The following CAND2 variants were observed in gnomAD, a reference collection of about 807,000 sequenced individuals.
CAND2 encodes cullin associated and neddylation dissociated 2 (putative).
Under a neutral mutation model 98.9 loss-of-function variants are expected in CAND2, and 62 were observed. The ratio of observed to expected loss-of-function variants is 0.63; its 90% CI spans 0.51 to 0.77. The LOEUF is 0.77. CAND2 is among the 30% of genes least tolerant of loss of function. The pLI is 0.00. For missense variants in CAND2, 1,501 were observed against 1,655.2 expected (o/e 0.91, Z 1.62); for synonymous variants, 770 against 731.9 (o/e 1.05, Z -0.84).
At chr3:12,833,614 C>T in intron 14 of CAND2, 141 bp from the exon 15 acceptor site, 1 of 679,412 alleles carries the variant, frequency 1.5e-6, no homozygotes, top group Non-Finnish European at 2.6e-6. Context: ...GCTGGTGAGA[C>T]AGAAGCCTCA....
chr3:12,829,338 G>A (rs1228498358), intron 13 of CAND2, among the ~76,000 whole-genome samples: 1 of 152,012 alleles, frequency 6.6e-6, no homozygotes, highest in Admixed American at 6.6e-5. Context: ...GTAGAGACAG[G>A]GTTTCGCCAT....
chr3:12,820,058 C>T, intron 10 of CAND2, 28 bp from the exon 11 acceptor site: 1 of 1,596,116 alleles, frequency 6.3e-7, no homozygotes, highest in Non-Finnish European at 8.6e-7. Flanking sequence ...CCCTGCCCCT[C>T]ACTAACTCAC....
chr3:12,804,326 G>T (rs2061789752), intron 2 of CAND2, among the ~76,000 whole-genome samples: 1 of 152,112 alleles, frequency 6.6e-6, no homozygotes, highest in African/African-American at 2.4e-5. Context: ...TGCCGGGCAT[G>T]GTGGTGCGTG....
intron 13 of CAND2, 99 bp from the exon 14 acceptor site, chr3:12,831,366 T>G (rs1163152081): frequency 2.2e-6 from 2 of 902,438 alleles, no homozygotes; most frequent in East Asian, 5.2e-5. Context: ...GAACTTGGGC[T>G]TCAGGTTTCA....
intron 5 of CAND2, among the ~76,000 whole-genome samples, chr3:12,812,437 G>A (rs1361773372): frequency 4.4e-5 from 5 of 113,390 alleles, no homozygotes; most frequent in Non-Finnish European, 6.6e-5. Context: ...TCGCTCTGTC[G>A]CCCAGGCCAG....
At chr3:12,803,721 G>A (rs1009177236) in intron 2 of CAND2, 90 bp downstream of exon 2, 6 of 1,228,882 alleles carry the variant, frequency 4.9e-6, no homozygotes, top group Admixed American at 2.6e-5. Context: ...GTACAGCCTC[G>A]CAGAGGAGAC....
rs1322767951 is a variant in CAND2 at position 12,808,229 on chromosome 3, C to T, written c.387C>T (p.Asn129=). Residue 129 remains asparagine, a synonymous_variant, in exon 4 of 15, where the codon AAC becomes AAT. Coordinates refer to ENST00000456430, the MANE Select transcript of CAND2 (RefSeq NM_001162499.2). ...GTGCAGGCTCCGGGCTGGCCACCAA[C>T]GTGTGCCGGAAGATCACAGGCCAGC... ...PAATGSGLAT[N]VCRKITGQLT... The T allele has an allele frequency of 1.9e-5, 29 of 1,551,132 alleles. No individual in the cohort carries two copies. The highest frequency in any genetic ancestry group is 1.7e-4 in the Middle Eastern group (1 of 6,008).
rs371066830 is a variant in CAND2 at position 12,816,770 on chromosome 3, C to T, written c.1838C>T (p.Thr613Met). 72 of 1,613,444 alleles carry T rather than the reference C, an allele frequency of 4.5e-5. No individual in the cohort carries two copies. The highest frequency in any genetic ancestry group is 1.0e-4 in the Admixed American group (6 of 60,014). The stretch of plus-strand genomic sequence containing the variant: ...CGGCTTGGGGATGACCTGGAGCCCA[C>T]GTTACTGCTCCTCCTGGACCGCCTG... ...GDRLGDDLEPTLLLLLDRLRN... is the reference protein window; with the variant it reads ...GDRLGDDLEPMLLLLLDRLRN... The change falls in exon 10 of 15, where the codon ACG (threonine) becomes ATG (methionine). Residue 613 changes from threonine to methionine, a missense_variant. Around this residue, in one of 3 missense-constraint regions of CAND2, gnomAD observed 1,427 missense variants for 1,545.3 expected, o/e 0.92. Transcript: ENST00000456430.
chr3:12,830,149 C>A (rs986911823), intron 13 of CAND2, among the ~76,000 whole-genome samples: 1 of 152,192 alleles, frequency 6.6e-6, no homozygotes. Context: ...CTGCCTGTCT[C>A]CCCCTCGGCT....
At position 12,815,644 on chromosome 3, in the gene CAND2, G is replaced by A. The variant is rs144937170; in HGVS notation, c.1299+211G>A. ...CTGAGTGAGCTTGAGCAAGTTGCTT[G>A]GTCTCTCTGTACCTGTAAAATGGAC... On this transcript the variant is annotated intron_variant, in intron 8 of 14. Coordinates refer to ENST00000456430, the MANE Select transcript of CAND2 (RefSeq NM_001162499.2). The surrounding 1 kb of genome is among the most constrained non-coding windows in gnomAD (Gnocchi z 5.7). Among the ~76,000 whole-genome samples the A allele has an allele frequency of 1.8e-3, 269 of 152,288 alleles. No individual in the cohort carries two copies. The highest frequency in any genetic ancestry group is 6.3e-3 in the African/African-American group (261 of 41,538).
At position 12,815,036 on chromosome 3, in the gene CAND2, G is replaced by A; in HGVS notation, c.1007-105G>A. 2 of 1,162,782 alleles carry A rather than the reference G, an allele frequency of 1.7e-6. No homozygotes were observed. The highest frequency in any genetic ancestry group is 1.5e-5 in the South Asian group (1 of 66,724). 72.0% of individuals were successfully genotyped at this position (1,162,782 alleles called of 1,614,324 possible). ...ATCTATAAATGCTGATCATCAAAAAGTGAAGCACAGTGCCCAGCTCTCTCT... is the reference window on the plus strand; with the variant it reads ...ATCTATAAATGCTGATCATCAAAAAATGAAGCACAGTGCCCAGCTCTCTCT... On this transcript the variant is annotated intron_variant, in intron 7 of 14. Coordinates refer to ENST00000456430, the MANE Select transcript of CAND2 (RefSeq NM_001162499.2). The surrounding 1 kb of genome is among the most constrained non-coding windows in gnomAD (Gnocchi z 5.7).
intron 5 of CAND2, among the ~76,000 whole-genome samples, chr3:12,810,896 C>A (rs968265035): frequency 6.6e-6 from 1 of 152,206 alleles, no homozygotes; most frequent in African/African-American, 2.4e-5. Flanking sequence ...TCCTTGTGTC[C>A]GTTTGCAGTC....
chr3:12,811,946 C>T (rs116761015), intron 5 of CAND2, among the ~76,000 whole-genome samples: 1 of 150,638 alleles, frequency 6.6e-6, no homozygotes, highest in African/African-American at 2.4e-5. Context: ...GTGTCTTGCT[C>T]TGTTTCCCAG....
In CAND2 at chr3:12,816,964, G is replaced by A. The variant is rs779143752; in HGVS notation, c.2032G>A (p.Ala678Thr). ...ACTGGCCACACTGGCAGCCCTGGAC[G>A]CCCTGGCCCAGAGCCAGGGCCTCAG... ...LRLATLAALD[A>T]LAQSQGLSLP... is the part of the protein sequence containing the mutation. The change falls in exon 10 of 15, where the codon GCC becomes ACC. Residue 678 changes from alanine (A) to threonine (T), a missense_variant. Transcript: ENST00000456430. 1.5e-5 allele frequency: 24 copies of A among 1,613,046 alleles called. No individual in the cohort carries two copies. Among genetic ancestry groups the A allele is most frequent in the East Asian group, 4.5e-5 (2 of 44,892 alleles).
Position 12,816,655 on chromosome 3 carries a change from C to A in CAND2, c.1723C>A (p.Leu575Met). The change falls in exon 10 of 15, where the codon CTG (leucine) becomes ATG (methionine). Residue 575 changes from leucine to methionine, a missense_variant. Transcript: ENST00000456430. ...PYVGEMSAVT[L>M]ARLRATDLDQ... ...TGTTGGAGAGATGTCTGCTGTCACCCTGGCGCGACTTCGTGCCACTGACCT... is the reference window on the plus strand; with the variant it reads ...TGTTGGAGAGATGTCTGCTGTCACCATGGCGCGACTTCGTGCCACTGACCT... 6.2e-7 allele frequency: 1 copy of A among 1,613,804 alleles called. No homozygotes were observed. Among genetic ancestry groups the A allele is most frequent in the African/African-American group, 1.3e-5 (1 of 75,068 alleles).
At chr3:12,804,479 A>C (rs929330386) in intron 2 of CAND2, among the ~76,000 whole-genome samples, 2 of 152,106 alleles carry the variant, frequency 1.3e-5, no homozygotes, top group Admixed American at 6.6e-5. Context: ...ACAAACAAAC[A>C]AAAAAGGCTT....
In CAND2 at chr3:12,817,524, G is replaced by A. The variant is rs768792418; in HGVS notation, c.2592G>A (p.Ala864=). The change falls in exon 10 of 15, where the codon GCG becomes GCA. Residue 864 remains alanine, a synonymous_variant. Transcript: ENST00000456430. ...CAGGCCACCAGCGGGAGCTGAAGGCGGTGCTCCTGGAAGCTTTGGGGTCAC... is the reference window on the plus strand; with the variant it reads ...CAGGCCACCAGCGGGAGCTGAAGGCAGTGCTCCTGGAAGCTTTGGGGTCAC... ...AGPGHQRELK[A]VLLEALGSPS... 7.4e-6 allele frequency: 12 copies of A among 1,613,752 alleles called. No homozygotes were observed. The highest frequency in any genetic ancestry group is 2.7e-5 in the African/African-American group (2 of 75,068).
At position 12,816,801 on chromosome 3, in the gene CAND2, T is replaced by C; in HGVS notation, c.1869T>C (p.Asn623=). The C allele has an allele frequency of 6.2e-7, 1 of 1,613,324 alleles. No individual in the cohort carries two copies. Among genetic ancestry groups the C allele is most frequent in the Non-Finnish European group, 8.5e-7 (1 of 1,179,780 alleles). The change falls in exon 10 of 15, where the codon AAT becomes AAC. Residue 623 remains asparagine, a synonymous_variant. Transcript: ENST00000456430. ...TGCTCCTCCTGGACCGCCTGCGGAA[T>C]GAGATCACCCGGCTGCCCGCCATCA... The part of the protein sequence containing the change: ...TLLLLLDRLR[N]EITRLPAIKA...
At chr3:12,809,713 C>G (rs1482963791) in intron 4 of CAND2, among the ~76,000 whole-genome samples, 3 of 151,866 alleles carry the variant, frequency 2.0e-5, no homozygotes, top group Non-Finnish European at 4.4e-5. Context: ...CTGGTCTCAG[C>G]GAGGAGGATG....
Sources: allele counts gnomAD v4.1 joint callset (sites outside exome capture counted in the v4.1 genomes callset), GRCh38; gene constraint gnomAD v4.1.1; regional missense constraint gnomAD v4.1.1; non-coding constraint Gnocchi (gnomAD v3.1); transcripts MANE v1.5; gene names NCBI Gene and HGNC (gene_info 2026-07-23, HGNC 2026-07-21).